PHACTR3: variants seen among roughly 807,000 people sequenced by gnomAD.
PHACTR3 encodes protein phosphatase 1, regulatory subunit 123.
Under a neutral mutation model 66.8 loss-of-function variants are expected in PHACTR3, and 16 were observed. The ratio of observed to expected loss-of-function variants is 0.24; its 90% confidence interval spans 0.16 to 0.36. PHACTR3 has a LOEUF of 0.36. PHACTR3 is among the 10% of genes least tolerant of loss of function. The pLI, the probability that PHACTR3 is intolerant of heterozygous loss-of-function variation, is 1.00. For missense variants in PHACTR3, 647 were observed against 719.9 expected, an observed-to-expected ratio of 0.90 and a Z score of 1.16; for synonymous variants, 323 against 292.1, an observed-to-expected ratio of 1.11 and a Z score of -1.08.
intron 1 of PHACTR3, among the ~76,000 whole-genome samples, chr20:59,731,737 T>C (rs767837092): frequency 2.6e-5 from 4 of 152,128 alleles, no homozygotes; most frequent in Non-Finnish European, 5.9e-5. Context: ...ATGATGCCCA[T>C]TTATGTAGTC....
chr20:59,674,578 T>TTCCCCCCTTCTCCTG (rs2036336154), intron 1 of PHACTR3, among the ~76,000 whole-genome samples: 1 of 46,040 alleles, frequency 2.2e-5, no homozygotes. Flanking sequence ...GCTTCTCCTG[T>TTCCCCCCTTCTCCTG]TCCCCCCTTC....
At chr20:59,824,251 T>C (rs57368024) in intron 8 of PHACTR3, among the ~76,000 whole-genome samples, 2 of 152,160 alleles carry the variant, frequency 1.3e-5, no homozygotes, top group African/African-American at 4.8e-5. Flanking sequence ...ACCATTCAGG[T>C]TGACACATCA....
intron 1 of PHACTR3, among the ~76,000 whole-genome samples, chr20:59,741,754 CTTT>C (rs5842281): frequency 7.2e-6 from 1 of 139,400 alleles, no homozygotes. Context: ...TTCTTTCTTT[CTTT>C]TTTTTTTTTT....
intron 9 of PHACTR3, among the ~76,000 whole-genome samples, chr20:59,838,646 C>T (rs2059007243): frequency 6.6e-6 from 1 of 152,116 alleles, no homozygotes; most frequent in East Asian, 1.9e-4. Context: ...GAGTTCAACC[C>T]CAGGTCTGCC....
intron 1 of PHACTR3, among the ~76,000 whole-genome samples, chr20:59,723,262 C>T (rs569125008): frequency 6.6e-6 from 1 of 152,158 alleles, no homozygotes; most frequent in African/African-American, 2.4e-5. Context: ...CAAGAGGAAA[C>T]CCCATGTCCA....
chr20:59,703,676 G>A (rs1374182530), intron 1 of PHACTR3, among the ~76,000 whole-genome samples: 4 of 151,050 alleles, frequency 2.6e-5, no homozygotes, highest in Non-Finnish European at 2.9e-5. Flanking sequence ...TAATATTTTG[G>A]TGTATTTCCT....
At chr20:59,723,088 TTC>T (rs1020528397) in intron 1 of PHACTR3, among the ~76,000 whole-genome samples, 5 of 150,122 alleles carry the variant, frequency 3.3e-5, no homozygotes, top group African/African-American at 4.9e-5. Flanking sequence ...CTTTCTTTCT[TTC>T]TTTCTTTCTT....
intron 1 of PHACTR3, among the ~76,000 whole-genome samples, chr20:59,693,966 G>A (rs932137216): frequency 4.6e-5 from 7 of 152,178 alleles, no homozygotes; most frequent in Admixed American, 2.0e-4. Context: ...AAAGGAAGGG[G>A]GCACACATCT....
chr20:59,829,433 T>A lies in PHACTR3; in HGVS notation c.1329-7072T>A, dbSNP rs1389339268. 6.6e-6 allele frequency among the ~76,000 whole-genome samples: 1 copy of A among 152,166 alleles called. No homozygotes were observed. The highest frequency in any genetic ancestry group is 1.5e-5 in the Non-Finnish European group (1 of 68,032). ...GTCCTCTTCTCTTCCTGAACTTCTC[T>A]CCAGACACACCCACATTGCTCTGAC... On this transcript the variant is annotated intron_variant, in intron 8 of 12. Transcript: ENST00000371015. The surrounding 1 kb of genome is among the most constrained non-coding windows in gnomAD (Gnocchi z 4.2).
At chr20:59,792,070 C>T (rs1012738779) in intron 7 of PHACTR3, among the ~76,000 whole-genome samples, 8 of 152,120 alleles carry the variant, frequency 5.3e-5, no homozygotes, top group African/African-American at 1.7e-4. Context: ...AGGATTCTGA[C>T]GACTAGTCTT....
At chr20:59,788,720 C>T (rs551484412) in intron 7 of PHACTR3, among the ~76,000 whole-genome samples, 30 of 152,312 alleles carry the variant, frequency 2.0e-4, no homozygotes, top group Non-Finnish European at 2.4e-4. Flanking sequence ...GGCCCTGATG[C>T]ACCCTGAGTT....
At chr20:59,709,391 G>C (rs908253625) in intron 1 of PHACTR3, among the ~76,000 whole-genome samples, 1 of 150,910 alleles carries the variant, frequency 6.6e-6, no homozygotes, top group Admixed American at 6.5e-5. Flanking sequence ...CCACAGGTGT[G>C]ACAGCAGACC....
chr20:59,810,249 G>A (rs2041696196), intron 8 of PHACTR3, among the ~76,000 whole-genome samples: 1 of 152,312 alleles, frequency 6.6e-6, no homozygotes, highest in Non-Finnish European at 1.5e-5. Flanking sequence ...TACCCCAAAC[G>A]CCCCCCTATG....
intron 7 of PHACTR3, among the ~76,000 whole-genome samples, chr20:59,779,757 G>A (rs915598685): frequency 1.1e-4 from 17 of 152,182 alleles, no homozygotes; most frequent in African/African-American, 4.1e-4. Context: ...TTTAATTTTT[G>A]GAAATGGTGG....
chr20:59,847,258 C>T lies in PHACTR3; in HGVS notation c.*128C>T, dbSNP rs2059167469. 3 of 627,358 alleles carry T rather than the reference C, an allele frequency of 4.8e-6. No homozygotes were observed. Among genetic ancestry groups the T allele is most frequent in the South Asian group, 2.2e-5 (1 of 44,502 alleles). 38.9% of individuals were successfully genotyped at this position (627,358 alleles called of 1,614,324 possible). On this transcript the variant is annotated 3_prime_UTR_variant, in exon 13 of 13. Transcript: ENST00000371015. ...TGTGTTTGTGAGAAGAGTAGGATCACACACACAGGTGCAATCTTGACCACA... is the reference window on the plus strand; with the variant it reads ...TGTGTTTGTGAGAAGAGTAGGATCATACACACAGGTGCAATCTTGACCACA...
chr20:59,718,270 T>TC (rs2038169273), intron 1 of PHACTR3, among the ~76,000 whole-genome samples: 1 of 152,126 alleles, frequency 6.6e-6, no homozygotes, highest in Non-Finnish European at 1.5e-5. Flanking sequence ...AGCCACCAGT[T>TC]CCTCTCCTGG....
intron 5 of PHACTR3, among the ~76,000 whole-genome samples, chr20:59,768,753 G>T (rs940385607): frequency 2.0e-5 from 3 of 152,220 alleles, no homozygotes; most frequent in Admixed American, 6.5e-5. Flanking sequence ...ATCTGGAGGG[G>T]ACTCTTGGGT....
chr20:59,699,231 T>C (rs1334289425), intron 1 of PHACTR3, among the ~76,000 whole-genome samples: 1 of 152,240 alleles, frequency 6.6e-6, no homozygotes, highest in Non-Finnish European at 1.5e-5. Flanking sequence ...GAGACAGCTA[T>C]GCTTCCTTTC....
chr20:59,843,794 T>TCA (rs1351327724), intron 11 of PHACTR3: 2 of 151,974 alleles, frequency 1.3e-5, no homozygotes, highest in African/African-American at 4.8e-5. Flanking sequence ...GGCTAAGACC[T>TCA]CAAAAGCACA....
Sources: gnomAD v4.1 joint callset for allele counts (sites outside exome capture counted in the v4.1 genomes callset) on GRCh38, gnomAD v4.1.1 for gene constraint, Gnocchi (gnomAD v3.1) non-coding constraint, MANE v1.5 for transcripts, NCBI Gene and HGNC (gene_info 2026-07-23, HGNC 2026-07-21) for gene names.